The following PHACTR3 variants were observed in gnomAD, a reference collection of about 807,000 sequenced individuals.
The protein encoded by PHACTR3 is protein phosphatase 1, regulatory subunit 123.
PHACTR3 carries 16 observed loss-of-function variants against 66.8 expected under a neutral mutation model. The observed-to-expected ratio is 0.24, with a 90% CI of 0.16 to 0.36. The LOEUF is 0.36. Among genes scored for constraint, PHACTR3 ranks in the 10% least tolerant of loss-of-function variants. The pLI is 1.00. For missense variants in PHACTR3, 647 were observed against 719.9 expected (o/e 0.90, Z 1.16); for synonymous variants, 323 against 292.1 (o/e 1.11, Z -1.08).
intron 1 of PHACTR3, among the ~76,000 whole-genome samples, chr20:59,711,325 C>T (rs1392713744): frequency 6.6e-6 from 1 of 152,118 alleles, no homozygotes; most frequent in African/African-American, 2.4e-5. Flanking sequence ...ACAGCGTAAA[C>T]TTTTTTAAGC....
intron 7 of PHACTR3, among the ~76,000 whole-genome samples, chr20:59,800,742 T>G (rs2041388291): frequency 6.6e-6 from 1 of 152,214 alleles, no homozygotes; most frequent in African/African-American, 2.4e-5. Context: ...TTCTTGGGTG[T>G]TGGATGTTTT....
At chr20:59,846,876 A>T (rs2059160468) in intron 12 of PHACTR3, among the ~76,000 whole-genome samples, 1 of 152,186 alleles carries the variant, frequency 6.6e-6, no homozygotes, top group Non-Finnish European at 1.5e-5. Context: ...TTTAACTCAC[A>T]GGTTTAAAAC....
chr20:59,701,539 A>G (rs770332562), intron 1 of PHACTR3, among the ~76,000 whole-genome samples: 1 of 152,240 alleles, frequency 6.6e-6, no homozygotes, highest in African/African-American at 2.4e-5. Context: ...AAGGCATTCT[A>G]TGAACATTAC....
intron 7 of PHACTR3, among the ~76,000 whole-genome samples, chr20:59,778,679 T>C (rs141870861): frequency 5.3e-5 from 8 of 152,294 alleles, no homozygotes; most frequent in African/African-American, 1.9e-4. Context: ...GAGTGCTAAG[T>C]GCAAAATAAA....
intron 7 of PHACTR3, among the ~76,000 whole-genome samples, chr20:59,782,426 A>T (rs2040755422): frequency 6.6e-6 from 1 of 151,956 alleles, no homozygotes; most frequent in Non-Finnish European, 1.5e-5. Context: ...TAATTTTTGT[A>T]TTTTTAGTAG....
intron 7 of PHACTR3, among the ~76,000 whole-genome samples, chr20:59,775,341 A>G (rs949489380): frequency 3.3e-5 from 5 of 152,130 alleles, no homozygotes; most frequent in Admixed American, 3.3e-4. Context: ...GAAGCATCTC[A>G]TGGTGACTGT....
intron 1 of PHACTR3, among the ~76,000 whole-genome samples, chr20:59,742,160 C>T (rs769206013): frequency 8.5e-5 from 13 of 152,208 alleles, no homozygotes; most frequent in African/African-American, 1.4e-4. Context: ...GTGGCGTGTG[C>T]GTGTGAATTT....
chr20:59,752,671 A>G (rs1198618802), intron 3 of PHACTR3, among the ~76,000 whole-genome samples: 1 of 143,774 alleles, frequency 7.0e-6, no homozygotes, highest in East Asian at 2.0e-4. Flanking sequence ...TCCAGGTTCT[A>G]TGTTCTGACC....
intron 1 of PHACTR3, among the ~76,000 whole-genome samples, chr20:59,714,026 A>AT (rs1334436795): frequency 6.6e-6 from 1 of 151,680 alleles, no homozygotes; most frequent in East Asian, 1.9e-4. Context: ...GCTCCTTTTT[A>AT]TTTTTTCATG....
chr20:59,580,620 T>G (rs967689446), intron 1 of PHACTR3, among the ~76,000 whole-genome samples: 2 of 152,018 alleles, frequency 1.3e-5, no homozygotes, highest in Non-Finnish European at 2.9e-5. Context: ...TGATCAATGA[T>G]ATCATGACAT....
intron 8 of PHACTR3, among the ~76,000 whole-genome samples, chr20:59,817,101 G>C (rs949409390): frequency 2.6e-5 from 4 of 152,214 alleles, no homozygotes; most frequent in Non-Finnish European, 5.9e-5. Context: ...AGTACAATAA[G>C]TGTTTATTGA....
intron 1 of PHACTR3, among the ~76,000 whole-genome samples, chr20:59,722,200 C>G (rs190324745): frequency 6.3e-4 from 96 of 152,106 alleles, no homozygotes; most frequent in African/African-American, 1.8e-3. Context: ...CCACTGCACT[C>G]CAGCCTGGGC....
chr20:59,642,364 C>A (rs1600989976), intron 1 of PHACTR3, among the ~76,000 whole-genome samples: 1 of 150,930 alleles, frequency 6.6e-6, no homozygotes, highest in Non-Finnish European at 1.5e-5. Flanking sequence ...ATTGAAAATT[C>A]AGAATACATA....
At chr20:59,819,185 G>A (rs997272071) in intron 8 of PHACTR3, among the ~76,000 whole-genome samples, 28 of 152,112 alleles carry the variant, frequency 1.8e-4, no homozygotes, top group Admixed American at 1.2e-3. Flanking sequence ...CAGGAGAATC[G>A]CTTGAGTCCA....
Position 59,829,925 on chromosome 20 carries a change from G to C in PHACTR3, c.1329-6580G>C, listed in dbSNP as rs1182181169. Among the ~76,000 whole-genome samples, 1 of 152,212 alleles carries C rather than the reference G, an allele frequency of 6.6e-6. No individual in the cohort carries two copies. Among genetic ancestry groups the C allele is most frequent in the African/African-American group, 2.4e-5 (1 of 41,450 alleles). ...AGCCTGGCTGGGTGGGGCTTCATTG[G>C]GGAAGCAAAGCTTGGGGAGCTGGAA... On this transcript the variant is annotated intron_variant, in intron 8 of 12. Coordinates refer to ENST00000371015, the MANE Select transcript of PHACTR3 (RefSeq NM_080672.5). The surrounding 1 kb of genome is among the most constrained non-coding windows in gnomAD (Gnocchi z 4.2).
At chr20:59,640,238 G>A (rs923828608) in intron 1 of PHACTR3, among the ~76,000 whole-genome samples, 9 of 152,188 alleles carry the variant, frequency 5.9e-5, no homozygotes, top group African/African-American at 1.9e-4. Flanking sequence ...TCACCACATG[G>A]ACTCAGGACA....
chr20:59,591,785 G>A (rs532375697), intron 1 of PHACTR3, among the ~76,000 whole-genome samples: 6 of 152,220 alleles, frequency 3.9e-5, no homozygotes, highest in East Asian at 1.9e-4. Flanking sequence ...GTGGCTCCCC[G>A]CAGCAGGGCC....
chr20:59,828,569 T>A (rs2042258254), intron 8 of PHACTR3, among the ~76,000 whole-genome samples: 1 of 152,060 alleles, frequency 6.6e-6, no homozygotes, highest in Non-Finnish European at 1.5e-5. Context: ...ACAATTGTAA[T>A]AATGGGGGTG....
intron 1 of PHACTR3, among the ~76,000 whole-genome samples, chr20:59,593,074 G>A (rs1199727581): frequency 6.6e-6 from 1 of 152,212 alleles, no homozygotes; most frequent in Non-Finnish European, 1.5e-5. Context: ...AAACCACAAA[G>A]CTGTCTTCCA....
Sources: allele counts gnomAD v4.1 joint callset (sites outside exome capture counted in the v4.1 genomes callset), GRCh38; gene constraint gnomAD v4.1.1; non-coding constraint Gnocchi (gnomAD v3.1); transcripts MANE v1.5; gene names NCBI Gene and HGNC (gene_info 2026-07-23, HGNC 2026-07-21).